The following ABCC4 variants were observed in gnomAD, a reference collection of about 807,000 sequenced individuals.
The protein encoded by ABCC4 is ATP-binding cassette sub-family C member 4.
In ABCC4, 102 loss-of-function variants were observed where a neutral mutation model predicts 168.5. The ratio of observed to expected loss-of-function variants is 0.61; its 90% CI spans 0.52 to 0.71. The LOEUF (loss-of-function observed/expected upper bound fraction) is 0.71. ABCC4 is among the 30% of genes least tolerant of loss of function. The probability of loss-of-function intolerance (pLI) is 0.00; values close to 1 mark genes in which losing one functional copy is unlikely to be tolerated. For synonymous variants in ABCC4, 617 were observed against 590.7 expected (o/e 1.04, Z -0.65); for missense variants, 1,402 against 1,605.8 (o/e 0.87, Z 2.17).
At chr13:95,099,353 T>A (rs74105424) in intron 20 of ABCC4, among the ~76,000 whole-genome samples, 1 of 152,140 alleles carries the variant, frequency 6.6e-6, no homozygotes, top group East Asian at 1.9e-4. Flanking sequence ...GAAAATTGAC[T>A]GCAGAGGAGC....
intron 1 of ABCC4, among the ~76,000 whole-genome samples, chr13:95,272,887 C>CAAAAAATG (rs1566589451): frequency 6.6e-6 from 1 of 151,092 alleles, no homozygotes; most frequent in Non-Finnish European, 1.5e-5. Flanking sequence ...GACTCCGTCT[C>CAAAAAATG]AAAAAATAAA....
At chr13:95,065,080 C>T (rs2033481999) in intron 25 of ABCC4, among the ~76,000 whole-genome samples, 1 of 152,092 alleles carries the variant, frequency 6.6e-6, no homozygotes, top group South Asian at 2.1e-4. Context: ...TACCCAACAG[C>T]CCCCCTCCAA....
At position 95,136,826 on chromosome 13, in the gene ABCC4, G is replaced by A. The variant is rs563044582; in HGVS notation, c.2456-20825C>T. Among the ~76,000 whole-genome samples the A allele has an allele frequency of 2.8e-4, 43 of 152,322 alleles. 1 individual carries two copies. Among genetic ancestry groups the A allele is most frequent in the African/African-American group, 9.9e-4 (41 of 41,594 alleles). On this transcript the variant is annotated intron_variant, in intron 19 of 30. Transcript: ENST00000645237. ...GGAAGTGCCTGGGAACATGCCTGCCGAACGCCCAGCCTGCCCAGGCGCACA... is the reference window on the plus strand; with the variant it reads ...GGAAGTGCCTGGGAACATGCCTGCCAAACGCCCAGCCTGCCCAGGCGCACA...
At chr13:95,176,220 G>GGGT (rs1555326435) in intron 13 of ABCC4, among the ~76,000 whole-genome samples, 2 of 44,782 alleles carry the variant, frequency 4.5e-5, no homozygotes, top group Admixed American at 1.4e-4. Context: ...AGGAAGCCGA[G>GGGT]GGCAGGGGGG....
intron 8 of ABCC4, among the ~76,000 whole-genome samples, chr13:95,198,679 T>G (rs2038532578): frequency 6.6e-6 from 1 of 152,154 alleles, no homozygotes; most frequent in Admixed American, 6.5e-5. Flanking sequence ...TGCAGCACTA[T>G]TTACAACAGC....
At chr13:95,219,058 C>A (rs867632621) in intron 4 of ABCC4, among the ~76,000 whole-genome samples, 7 of 151,918 alleles carry the variant, frequency 4.6e-5, no homozygotes, top group Non-Finnish European at 8.8e-5. Flanking sequence ...AAACCATTAG[C>A]GTTTCAATGA....
chr13:95,200,718 T>TCAAAA lies in ABCC4; in HGVS notation c.1162-5786_1162-5782dup, dbSNP rs559882439. ...CTTGGTGACAGAGCGAGACGCCGTC[T>TCAAAA]CAAAACAAAACAAAACAAAACAAAA... On this transcript the variant is annotated intron_variant, in intron 8 of 30. Coordinates refer to ENST00000645237, the MANE Select transcript of ABCC4 (RefSeq NM_005845.5). 3.2e-3 allele frequency among the ~76,000 whole-genome samples: 484 copies of TCAAAA among 152,100 alleles called. 3 individuals are homozygous for TCAAAA. Among genetic ancestry groups the TCAAAA allele is most frequent in the African/African-American group, 0.011 (452 of 41,462 alleles).
chr13:95,039,111 T>C (rs2032249860), intron 29 of ABCC4, among the ~76,000 whole-genome samples: 1 of 152,260 alleles, frequency 6.6e-6, no homozygotes, highest in African/African-American at 2.4e-5. Flanking sequence ...TTAGCCTTTA[T>C]GCATGTTGAG....
At chr13:95,149,543 A>G (rs2036606978) in intron 19 of ABCC4, among the ~76,000 whole-genome samples, 1 of 151,668 alleles carries the variant, frequency 6.6e-6, no homozygotes, top group Non-Finnish European at 1.5e-5. Flanking sequence ...CAACAGGAGG[A>G]AAAAAAAATT....
intron 20 of ABCC4, among the ~76,000 whole-genome samples, chr13:95,114,126 G>A (rs115150344): frequency 0.016 from 2,462 of 152,228 alleles, 69 homozygotes; most frequent in African/African-American, 0.057. Flanking sequence ...GGGGCCAGTA[G>A]GATTCCACAA....
intron 19 of ABCC4, among the ~76,000 whole-genome samples, chr13:95,144,108 C>G (rs566968994): frequency 4.3e-4 from 65 of 152,216 alleles, no homozygotes; most frequent in Non-Finnish European, 8.8e-4. Flanking sequence ...ACTGTGACAC[C>G]TGTTATTTGT....
At chr13:95,118,743 G>A (rs894861957) in intron 19 of ABCC4, among the ~76,000 whole-genome samples, 1 of 152,212 alleles carries the variant, frequency 6.6e-6, no homozygotes, top group Non-Finnish European at 1.5e-5. Context: ...GAGAAGAGGA[G>A]TCACTGTTTC....
At chr13:95,081,148 G>A (rs576159516) in intron 21 of ABCC4, among the ~76,000 whole-genome samples, 10 of 147,272 alleles carry the variant, frequency 6.8e-5, no homozygotes, top group Admixed American at 6.1e-4. Flanking sequence ...ATGCCTCAGG[G>A]GCCATGATAA....
At chr13:95,131,338 A>G (rs990515048) in intron 19 of ABCC4, among the ~76,000 whole-genome samples, 4 of 152,170 alleles carry the variant, frequency 2.6e-5, no homozygotes, top group Non-Finnish European at 5.9e-5. Context: ...TTCAGGGAAG[A>G]GTTGCCCAGC....
chr13:95,026,833 G>A (rs1309650974), intron 30 of ABCC4, among the ~76,000 whole-genome samples: 1 of 151,560 alleles, frequency 6.6e-6, no homozygotes, highest in Non-Finnish European at 1.5e-5. Context: ...AGGCTCCAGT[G>A]AGCTATGATT....
At chr13:95,043,838 T>C (rs1682692596) in intron 28 of ABCC4, 51 bp from the exon 29 acceptor site, 2 of 1,324,668 alleles carry the variant, frequency 1.5e-6, no homozygotes, top group African/African-American at 1.5e-5. Flanking sequence ...AAAAGTAGAC[T>C]TAAGACTTAA....
chr13:95,123,034 T>C (rs1467184278), intron 19 of ABCC4, among the ~76,000 whole-genome samples: 1 of 152,222 alleles, frequency 6.6e-6, no homozygotes. Flanking sequence ...TTCAAAAGTA[T>C]GTATGTGTTC....
At chr13:95,147,781 T>G (rs1388925311) in intron 19 of ABCC4, among the ~76,000 whole-genome samples, 1 of 152,214 alleles carries the variant, frequency 6.6e-6, no homozygotes, top group African/African-American at 2.4e-5. Context: ...AAACTCTCTT[T>G]CCTTAATTAC....
At chr13:95,178,766 T>C (rs1273721877) in intron 11 of ABCC4, among the ~76,000 whole-genome samples, 3 of 151,504 alleles carry the variant, frequency 2.0e-5, no homozygotes, top group South Asian at 2.1e-4. Flanking sequence ...CCCAGGGAAA[T>C]AGGAGGAAGG....
Sources: allele counts gnomAD v4.1 joint callset (sites outside exome capture counted in the v4.1 genomes callset), GRCh38; gene constraint gnomAD v4.1.1; transcripts MANE v1.5; gene names NCBI Gene and HGNC (gene_info 2026-07-23, HGNC 2026-07-21).